Variants in TPTE2 observed in about 807,000 individuals in gnomAD.
TPTE2 encodes the protein phosphatidylinositol 3,4,5-trisphosphate 3-phosphatase TPTE2.
A neutral mutation model predicts 78.6 loss-of-function variants in TPTE2; 53 were observed. The ratio of observed to expected loss-of-function variants is 0.67; its 90% CI spans 0.54 to 0.85. The LOEUF is 0.85. Among genes scored for constraint, TPTE2 ranks in the 40% least tolerant of loss-of-function variants. The probability of loss-of-function intolerance (pLI) is 0.00; values close to 1 mark genes in which losing one functional copy is unlikely to be tolerated. For synonymous variants in TPTE2, 175 were observed against 206.2 expected (o/e 0.85, Z 1.30); for missense variants, 461 against 623.0 (o/e 0.74, Z 2.77).
upstream of TPTE2, among the ~76,000 whole-genome samples, chr13:19,505,214 C>A (rs1475119817): frequency 1.3e-5 from 2 of 152,040 alleles, no homozygotes; most frequent in Non-Finnish European, 2.9e-5. Context: ...GATCTTGGCT[C>A]ACTGCAACCT....
At chr13:19,481,638 A>G (rs1364338208) in intron 4 of TPTE2, among the ~76,000 whole-genome samples, 1 of 152,224 alleles carries the variant, frequency 6.6e-6, no homozygotes, top group Non-Finnish European at 1.5e-5. Flanking sequence ...TGCCTTGCTT[A>G]ATCTGTCTAA....
chr13:19,531,430 T>C (rs1025246022), intron 1 of TPTE2, among the ~76,000 whole-genome samples: 3 of 152,124 alleles, frequency 2.0e-5, no homozygotes, highest in African/African-American at 7.2e-5. Flanking sequence ...CCTTTTTTTT[T>C]TGGCAGCCAC....
the TPTE2 span, chr13:19,552,512 T>C: frequency 1.6e-6 from 1 of 611,366 alleles, no homozygotes; most frequent in South Asian, 2.2e-5. Flanking sequence ...TGAAAGTGAA[T>C]ATCTGGCAGA....
the TPTE2 span, chr13:19,560,856 G>C: frequency 1.9e-6 from 3 of 1,561,132 alleles, no homozygotes; most frequent in African/African-American, 2.7e-5. Context: ...TTGGTGAAGC[G>C]GCAGGCCTGA....
chr13:19,440,788 C>T (rs1374783953), intron 13 of TPTE2, among the ~76,000 whole-genome samples: 2 of 150,950 alleles, frequency 1.3e-5, no homozygotes, highest in African/African-American at 4.9e-5. Flanking sequence ...AGCAAACAAA[C>T]AAACAAACAA....
intron 4 of TPTE2, among the ~76,000 whole-genome samples, chr13:19,482,050 T>A (rs1401789065): frequency 6.6e-6 from 1 of 152,044 alleles, no homozygotes; most frequent in African/African-American, 2.4e-5. Flanking sequence ...AAAATCCCAA[T>A]GAGCATAAAG....
In TPTE2 at chr13:19,423,165, C is replaced by A. The variant is rs773486355; in HGVS notation, c.1467-1G>T. 1.9e-6 allele frequency: 3 copies of A among 1,595,478 alleles called. No homozygotes were observed. The Admixed American group carries it at 5.3e-5, about 28-fold the overall frequency. ...CAATTCATTTCTTGGTAGACAAAGC[C>A]TAAGAATAGAAAAAAAAAATTACAT... On this transcript the variant is annotated splice_acceptor_variant, in intron 19 of 19. Coordinates refer to ENST00000400230, the Ensembl canonical transcript of TPTE2. LOFTEE classifies it high-confidence loss of function.
intron 10 of TPTE2, 39 bp from the exon 14 acceptor site, chr13:19,451,264 C>T: frequency 6.2e-7 from 1 of 1,611,932 alleles, no homozygotes; most frequent in Non-Finnish European, 8.5e-7. Context: ...ATTTACATGG[C>T]ACCAACACAA....
At chr13:19,438,042 C>T in intron 14 of TPTE2, 50 bp downstream of exon 17, 3 of 1,587,680 alleles carry the variant, frequency 1.9e-6, no homozygotes, top group Non-Finnish European at 2.6e-6. Context: ...TCTTTCAGAA[C>T]TAGCAAACTC....
At chr13:19,560,818 C>T in the TPTE2 span, 10 of 1,514,254 alleles carry the variant, frequency 6.6e-6, no homozygotes, top group East Asian at 2.4e-5. Flanking sequence ...CCACCCCGGA[C>T]GCGGTCCAGG....
At chr13:19,482,827 G>A (rs1361526150) in intron 3 of TPTE2, among the ~76,000 whole-genome samples, 1 of 150,422 alleles carries the variant, frequency 6.6e-6, no homozygotes, top group Non-Finnish European at 1.5e-5. Context: ...ATATATAAAA[G>A]AATATGTATA....
chr13:19,484,811 T>C (rs1018265150), intron 3 of TPTE2, among the ~76,000 whole-genome samples: 1 of 152,252 alleles, frequency 6.6e-6, no homozygotes. Context: ...CTGCTCACTT[T>C]TGGCTTCCAT....
chr13:19,545,415 T>C, the TPTE2 span, among the ~76,000 whole-genome samples: 1 of 152,200 alleles, frequency 6.6e-6, no homozygotes, highest in Non-Finnish European at 1.5e-5. Context: ...GGCAGTTTAC[T>C]TTTTGGAGAA....
At chr13:19,544,669 G>A in the TPTE2 span, among the ~76,000 whole-genome samples, 18 of 152,288 alleles carry the variant, frequency 1.2e-4, no homozygotes, top group African/African-American at 1.4e-4. Context: ...GCCAAGGCAG[G>A]TAGACTGCTT....
At chr13:19,430,866 C>T (rs1286261820) in intron 16 of TPTE2, among the ~76,000 whole-genome samples, 1 of 152,142 alleles carries the variant, frequency 6.6e-6, no homozygotes, top group Non-Finnish European at 1.5e-5. Context: ...GTGGCTCACA[C>T]CTGTAATCCT....
intron 6 of TPTE2, among the ~76,000 whole-genome samples, chr13:19,472,077 C>G (rs1392071424): frequency 1.3e-5 from 2 of 152,140 alleles, no homozygotes; most frequent in Non-Finnish European, 2.9e-5. Context: ...GGTTTCTTTT[C>G]TCTTGCTGCT....
the TPTE2 span, among the ~76,000 whole-genome samples, chr13:19,548,144 G>C: frequency 3.9e-5 from 6 of 152,268 alleles, no homozygotes; most frequent in African/African-American, 1.4e-4. Context: ...CAAATAAAGG[G>C]TGAATTGCAG....
At chr13:19,493,071 C>A (rs115365010) in intron 2 of TPTE2, among the ~76,000 whole-genome samples, 168 bp from the exon 6 acceptor site, 3,858 of 151,982 alleles carry the variant, frequency 0.025, 128 homozygotes, top group African/African-American at 0.075. Context: ...ATTACACTAA[C>A]AGGAAGAAGC....
At chr13:19,488,376 T>G (rs1276947375) in intron 3 of TPTE2, among the ~76,000 whole-genome samples, 2 of 152,246 alleles carry the variant, frequency 1.3e-5, no homozygotes, top group African/African-American at 4.8e-5. Flanking sequence ...CGTTGACTTC[T>G]CCTCTCTAAA....
Sources: gnomAD v4.1 joint callset for allele counts (sites outside exome capture counted in the v4.1 genomes callset) on GRCh38, gnomAD v4.1.1 for gene constraint, MANE v1.5 for transcripts, NCBI Gene and HGNC (gene_info 2026-07-23, HGNC 2026-07-21) for gene names.